PSME4: variants seen among roughly 807,000 people sequenced by gnomAD.
PSME4 encodes the protein proteasome activator subunit 4.
In PSME4, 89 loss-of-function variants were observed where a neutral mutation model predicts 253.9. The ratio of observed to expected loss-of-function variants is 0.35; its 90% CI spans 0.30 to 0.42. PSME4 has a LOEUF of 0.42. Among genes scored for constraint, PSME4 ranks in the 10% least tolerant of loss-of-function variants. PSME4 has a pLI of 1.00. For missense variants in PSME4, 2,014 were observed against 2,195.2 expected, an observed-to-expected ratio of 0.92 and a Z score of 1.65; for synonymous variants, 851 against 759.2, an observed-to-expected ratio of 1.12 and a Z score of -1.99.
intron 22 of PSME4, 79 bp from the exon 23 acceptor site, chr2:53,908,644 C>T: frequency 1.3e-6 from 2 of 1,497,064 alleles, no homozygotes; most frequent in Non-Finnish European, 1.8e-6. Flanking sequence ...AGTCAAGAAT[C>T]TATTAAGAAA....
intron 3 of PSME4, among the ~76,000 whole-genome samples, chr2:53,943,362 A>G (rs1430630884): frequency 1.3e-5 from 2 of 152,198 alleles, no homozygotes; most frequent in South Asian, 2.1e-4. Context: ...CAGGCACTTC[A>G]TCTAGAAGTC....
rs771213519 is a variant in PSME4, at chr2:53,899,995, A to G, written c.3308T>C (p.Ile1103Thr). ...TTTTGACTGTTGAAGTAATTCCGCT[A>G]TTTCAACACATGACTTTGGAATCTT... ...DFTIPKSCVE[I>T]AELLQQSKNP... is the part of the protein sequence containing the mutation. The change falls in exon 29 of 47, where the codon ATA becomes ACA. Residue 1103 changes from isoleucine (I) to threonine (T), a missense_variant. Physicochemically the swap from Ile to Thr is moderately conservative, Grantham distance 89 (BLOSUM62 -1). Around this residue, in one of 4 missense-constraint regions of PSME4, gnomAD observed 989 missense variants for 1,021.1 expected, o/e 0.97. Transcript: ENST00000404125. 4.3e-6 allele frequency: 7 copies of G among 1,613,312 alleles called. No homozygotes were observed. The African/African-American group carries it at 8.0e-5, about 18-fold the overall frequency.
intron 26 of PSME4, among the ~76,000 whole-genome samples, chr2:53,905,687 T>C (rs1680624778): frequency 6.6e-6 from 1 of 152,158 alleles, no homozygotes; most frequent in African/African-American, 2.4e-5. Flanking sequence ...ACGCCTATAA[T>C]CCCAGCTATT....
chr2:53,905,635 G>A (rs945958992), intron 26 of PSME4, among the ~76,000 whole-genome samples: 4 of 152,134 alleles, frequency 2.6e-5, no homozygotes, highest in African/African-American at 9.7e-5. Flanking sequence ...TCAAGCCCAA[G>A]GCTACAAGGC....
chr2:53,925,421 T>C, intron 14 of PSME4, 118 bp downstream of exon 14: 1 of 999,420 alleles, frequency 1.0e-6, no homozygotes, highest in Non-Finnish European at 1.4e-6. Flanking sequence ...TCTTTAAAAC[T>C]TTAGTATGAA....
At chr2:53,909,063 G>T (rs1273684333) in intron 21 of PSME4, among the ~76,000 whole-genome samples, 1 of 151,408 alleles carries the variant, frequency 6.6e-6, no homozygotes, top group African/African-American at 2.4e-5. Flanking sequence ...TCAAGATAAA[G>T]AAAAATAATA....
In PSME4 at chr2:53,888,808, C is replaced by T. The variant is rs1573220200; in HGVS notation, c.4301G>A (p.Ser1434Asn). 6.2e-7 allele frequency: 1 copy of T among 1,608,512 alleles called. No individual in the cohort carries two copies. The highest frequency in any genetic ancestry group is 1.3e-5 in the African/African-American group (1 of 74,972). ...WGACIATSCE[S>N]RDPRKLHWLF... ...CCAGTGAAGTTTCCGGGGATCTCTG[C>T]TTTCCTGTGTTTAAAATATGATGTA... The change falls in exon 38 of 47, where the codon AGC becomes AAC. Residue 1434 changes from serine to asparagine, a missense_variant. Around this residue, in one of 4 missense-constraint regions of PSME4, gnomAD observed 403 missense variants for 556.1 expected, o/e 0.72. Transcript: ENST00000404125.
At chr2:53,892,350 G>A (rs1473991915) in intron 36 of PSME4, among the ~76,000 whole-genome samples, 1 of 152,070 alleles carries the variant, frequency 6.6e-6, no homozygotes, top group African/African-American at 2.4e-5. Context: ...TAAAAAGAGG[G>A]ATACTCTAAA....
chr2:53,890,309 C>A, intron 36 of PSME4, 101 bp from the exon 37 acceptor site: 1 of 783,312 alleles, frequency 1.3e-6, no homozygotes, highest in Non-Finnish European at 2.1e-6. Flanking sequence ...ACAGGTATAT[C>A]ATTTAAATTA....
chr2:53,942,975 C>T (rs1241628971), intron 3 of PSME4, among the ~76,000 whole-genome samples: 1 of 152,152 alleles, frequency 6.6e-6, no homozygotes, highest in Non-Finnish European at 1.5e-5. Flanking sequence ...AAGTAAATGT[C>T]AAATACTAAC....
At chr2:53,896,959 G>A in intron 31 of PSME4, 74 bp from the exon 32 acceptor site, 1 of 1,092,330 alleles carries the variant, frequency 9.2e-7, no homozygotes, top group Non-Finnish European at 1.4e-6. Context: ...TTTACTCAAA[G>A]CAGAAATAGG....
At chr2:53,958,407 A>G (rs1300888301) in intron 1 of PSME4, among the ~76,000 whole-genome samples, 1 of 151,918 alleles carries the variant, frequency 6.6e-6, no homozygotes, top group Non-Finnish European at 1.5e-5. Context: ...CTAAGCCACA[A>G]AAAAAACCTC....
Position 53,922,125 on chromosome 2 carries a change from T to C in PSME4, c.2046+392A>G, listed in dbSNP as rs572615857. On this transcript the variant is annotated intron_variant, in intron 17 of 46. Coordinates refer to ENST00000404125, the MANE Select transcript of PSME4 (RefSeq NM_014614.3). ...AGGCGGAGTTTGCAGTGAGCCGAGA[T>C]TGCACCACTGCACTCCAGCGTGGGC... Among the ~76,000 whole-genome samples the C allele has an allele frequency of 4.6e-5, 7 of 151,908 alleles. No homozygotes were observed. The South Asian group carries it at 8.3e-4, about 18-fold the overall frequency.
intron 3 of PSME4, among the ~76,000 whole-genome samples, chr2:53,947,043 A>G (rs1669744838): frequency 6.6e-6 from 1 of 152,240 alleles, no homozygotes; most frequent in African/African-American, 2.4e-5. Context: ...TATGGTTGAA[A>G]TGAGTTTCCT....
chr2:53,911,916 A>C (rs1667844438), intron 20 of PSME4, among the ~76,000 whole-genome samples: 1 of 152,226 alleles, frequency 6.6e-6, no homozygotes, highest in South Asian at 2.1e-4. Context: ...TCCTGACACC[A>C]AATTTCTTAA....
intron 41 of PSME4, among the ~76,000 whole-genome samples, chr2:53,877,837 C>T (rs939902219): frequency 6.6e-6 from 1 of 152,098 alleles, no homozygotes; most frequent in Non-Finnish European, 1.5e-5. Context: ...TATGGGTATG[C>T]AAAGACATTT....
In PSME4 at chr2:53,920,209, T is replaced by G. The variant is rs777298845; in HGVS notation, c.2404A>C (p.Lys802Gln). The change falls in exon 19 of 47, where the codon AAA becomes CAA. Residue 802 changes from lysine to glutamine, a missense_variant. By Grantham distance (53) the Lys-to-Gln change is moderately conservative. Coordinates refer to ENST00000404125, the MANE Select transcript of PSME4 (RefSeq NM_014614.3). ...LVKLQHCGDG[K>Q]LEMSRDDILQ... ...AAAACCAACCTAGACATTTCAAGTT[T>G]TCCATCCCCACAATGCTGGAGTTTG... The G allele has an allele frequency of 6.2e-6, 10 of 1,609,812 alleles. No individual in the cohort carries two copies. The East Asian group carries it at 2.2e-4, about 36-fold the overall frequency.
chr2:53,958,596 T>C (rs569876587), intron 1 of PSME4, among the ~76,000 whole-genome samples: 1 of 152,178 alleles, frequency 6.6e-6, no homozygotes, highest in Non-Finnish European at 1.5e-5. Context: ...GGCGCTTCCT[T>C]TAAAGTCAGA....
chr2:53,869,829 A>T, intron 43 of PSME4: 1 of 194,066 alleles, frequency 5.2e-6, no homozygotes, highest in South Asian at 1.8e-4. Context: ...CATCAGGGCT[A>T]TAACTGTAAA....
Sources: gnomAD v4.1 joint callset for allele counts (sites outside exome capture counted in the v4.1 genomes callset) on GRCh38, gnomAD v4.1.1 for gene constraint, gnomAD v4.1.1 regional missense constraint, MANE v1.5 for transcripts, NCBI Gene and HGNC (gene_info 2026-07-23, HGNC 2026-07-21) for gene names.